NOBOX: variants seen among roughly 807,000 people sequenced by gnomAD.
NOBOX encodes NOBOX oogenesis homeobox, also known as homeobox protein NOBOX.
NOBOX carries 46 observed loss-of-function variants against 60.2 expected under a neutral mutation model. The ratio of observed to expected loss-of-function variants is 0.76; its 90% confidence interval spans 0.60 to 0.98. The LOEUF (loss-of-function observed/expected upper bound fraction) is 0.98. Among genes scored for constraint, NOBOX ranks in the 50% least tolerant of loss-of-function variants. The probability of loss-of-function intolerance (pLI) is 0.00; values close to 1 mark genes in which losing one functional copy is unlikely to be tolerated. For synonymous variants in NOBOX, 360 were observed against 346.3 expected (o/e 1.04, Z -0.44); for missense variants, 880 against 865.5 (o/e 1.02, Z -0.21).
At chr7:144,410,040 G>A in intron 1 of NOBOX, 1 of 689,576 alleles carries the variant, frequency 1.5e-6, no homozygotes, top group Non-Finnish European at 2.4e-6. Flanking sequence ...TCCCAAGAGG[G>A]GATGCTCTAC....
chr7:144,400,031 C>A, intron 5 of NOBOX, 168 bp from the exon 4 acceptor site: 1 of 1,475,772 alleles, frequency 6.8e-7, no homozygotes, highest in South Asian at 1.2e-5. Context: ...GTGCCTTCCT[C>A]TCCTAATGCT....
intron 1 of NOBOX, among the ~76,000 whole-genome samples, chr7:144,405,380 C>T (rs2053978447): frequency 6.6e-6 from 1 of 152,146 alleles, no homozygotes; most frequent in African/African-American, 2.4e-5. Flanking sequence ...CACGTCCTTG[C>T]TCACAGAAGC....
intron 2 of NOBOX, 63 bp from the exon 1 acceptor site, chr7:144,403,756 C>T (rs2053961359): frequency 1.4e-5 from 9 of 659,802 alleles, no homozygotes; most frequent in Admixed American, 6.5e-5. Context: ...TGAAGCCTCG[C>T]CGGGCGGGCA....
At position 144,401,465 on chromosome 7, in the gene NOBOX, T is replaced by C. The variant is rs2128861788; in HGVS notation, c.425A>G (p.Lys142Arg). The C allele has an allele frequency of 6.3e-7, 1 of 1,582,878 alleles. No homozygotes were observed. The highest frequency in any genetic ancestry group is 2.2e-5 in the East Asian group (1 of 44,690). The change falls in exon 4 of 10, where the codon AAG becomes AGG. Residue 142 changes from lysine to arginine, a missense_variant. Coordinates refer to ENST00000467773, the MANE Select transcript of NOBOX (RefSeq NM_001080413.3). The surrounding 1 kb of genome is among the most constrained non-coding windows in gnomAD (Gnocchi z 4.2). ...GGCTTCTCCAGAGACTGCTGGCGGC[T>C]TCTTCTCTCCTGAGATGGTGCAGGA...
rs922939191 is a variant in NOBOX at position 144,399,182 on chromosome 7, G to C, written c.1241-4C>G. The C allele has an allele frequency of 1.2e-5, 17 of 1,461,354 alleles. No homozygotes were observed. Among genetic ancestry groups the C allele is most frequent in the Non-Finnish European group, 1.5e-5 (16 of 1,059,422 alleles). 90.5% of individuals were successfully genotyped at this position (1,461,354 alleles called of 1,614,324 possible). ...GAAGTCAGCAGCATGGGGGGCTCTA[G>C]GAACAGAAGGCAAAGAGGTGCTATA... On this transcript the variant is annotated splice_region_variant and splice_polypyrimidine_tract_variant and intron_variant, in intron 7 of 9. Transcript: ENST00000467773.
chr7:144,401,507 C>G lies in NOBOX; in HGVS notation c.383G>C (p.Ser128Thr), dbSNP rs549662802. 1.3e-6 allele frequency: 2 copies of G among 1,530,996 alleles called. No homozygotes were observed. The highest frequency in any genetic ancestry group is 1.7e-6 in the Non-Finnish European group (2 of 1,143,212). The allele number at this position is 1,530,996 out of a possible 1,614,324, so 94.8% of individuals were successfully genotyped here. A position where few individuals can be genotyped will look rare whatever the true frequency, so the allele number is the denominator to read the frequency against. Residue 128 changes from serine (S) to threonine (T), a missense_variant, in exon 4 of 10, where the codon AGT (serine) becomes ACT (threonine). Transcript: ENST00000467773. The surrounding 1 kb of genome is among the most constrained non-coding windows in gnomAD (Gnocchi z 4.2). ...GGTGCAGGAGGGTGGCAGTTCCTCA[C>G]TCTGAGTGTCCTGAGCATGAGGGGC...
At chr7:144,410,059 C>T (rs2054011088) in intron 1 of NOBOX, 1 of 849,234 alleles carries the variant, frequency 1.2e-6, no homozygotes, top group Admixed American at 2.3e-5. Context: ...ACCAAGAGTC[C>T]TCAGTGTATG....
intron 9 of NOBOX, 42 bp from the exon 8 acceptor site, chr7:144,397,583 G>A (rs958225897): frequency 2.1e-6 from 3 of 1,438,728 alleles, no homozygotes; most frequent in Non-Finnish European, 2.8e-6. Flanking sequence ...ACAGGATGGA[G>A]AGTATCAACT....
chr7:144,401,866 C>T lies in NOBOX; in HGVS notation c.292+3G>A, dbSNP rs1319170456. 11 of 1,589,096 alleles carry T rather than the reference C, an allele frequency of 6.9e-6. No homozygotes were observed. Among genetic ancestry groups the T allele is most frequent in the African/African-American group, 5.4e-5 (4 of 74,384 alleles). The stretch of plus-strand genomic sequence containing the variant: ...TGGTATCTCCTAATTTGGGGGTACT[C>T]ACCCCTTGTGAGTTCCCTTTTCCCA... On this transcript the variant is annotated splice_donor_region_variant and intron_variant, in intron 3 of 9. Transcript: ENST00000467773. The surrounding 1 kb of genome is among the most constrained non-coding windows in gnomAD (Gnocchi z 4.2).
chr7:144,407,044 T>TAC (rs1409629189), intron 1 of NOBOX, among the ~76,000 whole-genome samples: 1 of 152,042 alleles, frequency 6.6e-6, no homozygotes, highest in Non-Finnish European at 1.5e-5. Flanking sequence ...AGCTAGACTT[T>TAC]ACACCATTAC....
At chr7:144,403,518 TA>T in intron 2 of NOBOX, 138 bp downstream of exon 1, 3 of 131,950 alleles carry the variant, frequency 2.3e-5, no homozygotes, top group South Asian at 6.6e-5. Context: ...CCTCCCACCC[TA>T]CCCCACCCGA....
At chr7:144,397,637 C>T (rs2053903437) in intron 9 of NOBOX, 96 bp from the exon 8 acceptor site, 1 of 1,069,162 alleles carries the variant, frequency 9.4e-7, no homozygotes, top group Admixed American at 2.8e-5. Context: ...TGCCCCAACA[C>T]ACATAGACGC....
rs745727671 is a variant in NOBOX, at chr7:144,399,414, G to T, written c.1223C>A (p.Pro408His). The T allele has an allele frequency of 1.1e-5, 17 of 1,584,954 alleles. No homozygotes were observed. The African/African-American group carries it at 1.5e-4, about 14-fold the overall frequency. The change falls in exon 7 of 10, where the codon CCT (proline) becomes CAT (histidine). Residue 408 changes from proline to histidine, a missense_variant. Physicochemically the swap from Pro to His is moderately conservative, Grantham distance 77 (BLOSUM62 -2). Coordinates refer to ENST00000467773, the MANE Select transcript of NOBOX (RefSeq NM_001080413.3). ...GAACTCACCTGGAAAGGTATCCAGAGGGGACTCCTGAGGGAAAGGGTCAGG... is the reference window on the plus strand; with the variant it reads ...GAACTCACCTGGAAAGGTATCCAGATGGGACTCCTGAGGGAAAGGGTCAGG...
chr7:144,410,036 G>A (rs906430076), intron 1 of NOBOX: 1 of 672,556 alleles, frequency 1.5e-6, no homozygotes, highest in Non-Finnish European at 2.5e-6. Flanking sequence ...TGGCTCCCAA[G>A]AGGGGATGCT....
chr7:144,397,674 G>A, intron 9 of NOBOX, 133 bp from the exon 8 acceptor site: 1 of 770,686 alleles, frequency 1.3e-6, no homozygotes, highest in Non-Finnish European at 2.0e-6. Context: ...GTAAGTCTGG[G>A]TCAAACTCTA....
Position 144,399,773 on chromosome 7 carries a change from C to A in NOBOX, c.1138G>T (p.Ala380Ser). Residue 380 changes from alanine to serine, a missense_variant, in exon 6 of 10, where the codon GCC (alanine) becomes TCC (serine). Coordinates refer to ENST00000467773, the MANE Select transcript of NOBOX (RefSeq NM_001080413.3). ...AATTCTGACCTGCATTGACTGCTGG[C>A]AGGGCCAGGGGCTGCAGGATTGTCC... 6 of 1,611,918 alleles carry A rather than the reference C, an allele frequency of 3.7e-6. No homozygotes were observed. The highest frequency in any genetic ancestry group is 5.1e-6 in the Non-Finnish European group (6 of 1,178,778).
chr7:144,409,877 G>A (rs958814684), intron 1 of NOBOX, among the ~76,000 whole-genome samples: 1 of 152,196 alleles, frequency 6.6e-6, no homozygotes, highest in African/African-American at 2.4e-5. Context: ...GGATTCTAAG[G>A]TCGTAAACCT....
At position 144,402,563 on chromosome 7, in the gene NOBOX, TG is replaced by T. The variant is rs2053949590; in HGVS notation, c.211-614del. On this transcript the variant is annotated intron_variant, in intron 2 of 9. Transcript: ENST00000467773. The stretch of plus-strand genomic sequence containing the variant: ...CTTAATCACCACATGGAGTCCTTCC[TG>T]GGGCCATCAAATGATCCCCCCACTT... Among the ~76,000 whole-genome samples, 2 of 152,078 alleles carry T rather than the reference TG, an allele frequency of 1.3e-5. 1 individual carries two copies. The highest frequency in any genetic ancestry group is 4.1e-4 in the South Asian group (2 of 4,828).
chr7:144,409,629 A>G (rs1425588029), intron 1 of NOBOX, among the ~76,000 whole-genome samples: 1 of 152,248 alleles, frequency 6.6e-6, no homozygotes. Flanking sequence ...AATCTTTTGA[A>G]CTTAAATATT....
Sources: gnomAD v4.1 joint callset for allele counts (sites outside exome capture counted in the v4.1 genomes callset) on GRCh38, gnomAD v4.1.1 for gene constraint, Gnocchi (gnomAD v3.1) non-coding constraint, MANE v1.5 for transcripts, NCBI Gene and HGNC (gene_info 2026-07-23, HGNC 2026-07-21) for gene names.